IRAK2: variants seen among roughly 807,000 people sequenced by gnomAD.
IRAK2 encodes interleukin-1 receptor-associated kinase-like 2.
In IRAK2, 57 loss-of-function variants were observed where a neutral mutation model predicts 72.0. The observed-to-expected ratio is 0.79, with a 90% CI of 0.64 to 0.99. The LOEUF is 0.99. Among genes scored for constraint, IRAK2 ranks in the 50% least tolerant of loss-of-function variants. The probability of loss-of-function intolerance (pLI) is 0.00; values close to 1 mark genes in which losing one functional copy is unlikely to be tolerated. For synonymous variants in IRAK2, 293 were observed against 312.7 expected (o/e 0.94, Z 0.67); for missense variants, 790 against 794.4 (o/e 0.99, Z 0.07).
At chr3:10,235,194 A>C (rs1282124634) in intron 11 of IRAK2, among the ~76,000 whole-genome samples, 1 of 152,190 alleles carries the variant, frequency 6.6e-6, no homozygotes, top group East Asian at 1.9e-4. Context: ...CAGCCCATGC[A>C]CTAGGCGGAC....
At chr3:10,169,900 A>G (rs1047613226) in intron 1 of IRAK2, among the ~76,000 whole-genome samples, 4 of 152,362 alleles carry the variant, frequency 2.6e-5, no homozygotes, top group Middle Eastern at 3.4e-3. Context: ...AGACAGACGT[A>G]AGAAATTATA....
Position 10,233,263 on chromosome 3 carries a change from G to A in IRAK2, c.1273-1196G>A, listed in dbSNP as rs1399556282. Among the ~76,000 whole-genome samples the A allele has an allele frequency of 2.0e-5, 3 of 152,204 alleles. No homozygotes were observed. The East Asian group carries it at 5.8e-4, about 29-fold the overall frequency. On this transcript the variant is annotated intron_variant, in intron 10 of 12. Coordinates refer to ENST00000256458, the MANE Select transcript of IRAK2 (RefSeq NM_001570.4). ...GACGAGGTTTCACCGTGTCAGCCAG[G>A]CTGGTCTCGAACTCCTGACCTCGAG... is the stretch of plus-strand genomic sequence containing the variant.
intron 2 of IRAK2, among the ~76,000 whole-genome samples, chr3:10,198,745 C>A (rs746826440): frequency 6.6e-6 from 1 of 152,040 alleles, no homozygotes; most frequent in African/African-American, 2.4e-5. Flanking sequence ...TTTAGAGAGG[C>A]ACAGTTGACC....
chr3:10,181,403 A>G (rs1696958035), intron 2 of IRAK2, among the ~76,000 whole-genome samples: 1 of 152,152 alleles, frequency 6.6e-6, no homozygotes, highest in South Asian at 2.1e-4. Flanking sequence ...TGAGGTCAGG[A>G]GTTTGAAACC....
intron 10 of IRAK2, 140 bp downstream of exon 10, chr3:10,226,573 C>A: frequency 1.6e-6 from 1 of 628,746 alleles, no homozygotes; most frequent in East Asian, 2.9e-5. Flanking sequence ...CCCCACAAAG[C>A]AGCTTTAACC....
chr3:10,166,177 T>C (rs1409833817), intron 1 of IRAK2, among the ~76,000 whole-genome samples: 1 of 152,250 alleles, frequency 6.6e-6, no homozygotes, highest in Non-Finnish European at 1.5e-5. Flanking sequence ...TATTTACTTT[T>C]AGTGTACATT....
rs149973534 is a variant in IRAK2, at chr3:10,238,798, G to A, written c.1524G>A (p.Thr508=). 3.1e-6 allele frequency: 5 copies of A among 1,614,098 alleles called. No homozygotes were observed. Among genetic ancestry groups the A allele is most frequent in the South Asian group, 2.2e-5 (2 of 91,088 alleles). The change falls in exon 12 of 13, where the codon ACG becomes ACA. Residue 508 remains threonine (T), a synonymous_variant. Coordinates refer to ENST00000256458, the MANE Select transcript of IRAK2 (RefSeq NM_001570.4). ...AVEERLRGRE[T]LLPWSGLSEG... ...AAGAGCGGCTCCGAGGTCGGGAGAC[G>A]TTGCTCCCTTGGAGTGGGCTTTCTG...
chr3:10,183,652 C>T (rs1462108308), intron 2 of IRAK2, among the ~76,000 whole-genome samples: 6 of 152,236 alleles, frequency 3.9e-5, no homozygotes, highest in Admixed American at 3.3e-4. Context: ...ACCCGGGAGG[C>T]GGAGCTTGCA....
intron 2 of IRAK2, among the ~76,000 whole-genome samples, chr3:10,185,023 G>A (rs998186953): frequency 6.6e-6 from 1 of 150,850 alleles, no homozygotes; most frequent in Non-Finnish European, 1.5e-5. Flanking sequence ...GAGCCCCTGC[G>A]CCGGGCCAAA....
intron 1 of IRAK2, among the ~76,000 whole-genome samples, chr3:10,170,023 A>G (rs1238359367): frequency 6.6e-6 from 1 of 152,116 alleles, no homozygotes; most frequent in Non-Finnish European, 1.5e-5. Context: ...ACAACACTAC[A>G]AAGTTGGTGG....
intron 2 of IRAK2, 141 bp downstream of exon 2, chr3:10,178,161 A>G (rs1393445978): frequency 8.3e-6 from 6 of 724,456 alleles, no homozygotes; most frequent in Non-Finnish European, 1.1e-5. Flanking sequence ...CCATGCACAT[A>G]AGAAACTGGT....
intron 2 of IRAK2, among the ~76,000 whole-genome samples, chr3:10,181,239 C>T (rs947206088): frequency 2.6e-5 from 4 of 152,152 alleles, no homozygotes; most frequent in Non-Finnish European, 5.9e-5. Context: ...TGCTCCTGAG[C>T]CGCTGCCGTT....
intron 10 of IRAK2, among the ~76,000 whole-genome samples, chr3:10,227,017 T>C (rs932408386): frequency 7.2e-5 from 11 of 151,872 alleles, no homozygotes; most frequent in African/African-American, 2.7e-4. Context: ...AGCACTTCTC[T>C]ATATATCAGG....
chr3:10,217,974 A>T (rs1318316719), intron 7 of IRAK2, among the ~76,000 whole-genome samples: 1 of 152,254 alleles, frequency 6.6e-6, no homozygotes, highest in Non-Finnish European at 1.5e-5. Context: ...ACATAGAGAC[A>T]AAGTGACTTG....
intron 2 of IRAK2, among the ~76,000 whole-genome samples, chr3:10,183,499 C>T (rs543286809): frequency 9.2e-5 from 14 of 152,302 alleles, no homozygotes; most frequent in Non-Finnish European, 1.3e-4. Context: ...GGGCAGATCA[C>T]AAGGTCAGGA....
At chr3:10,203,006 T>G (rs1434044223) in intron 3 of IRAK2, among the ~76,000 whole-genome samples, 1 of 150,834 alleles carries the variant, frequency 6.6e-6, no homozygotes, top group African/African-American at 2.4e-5. Context: ...ACTTACTTTC[T>G]TTTTTTGGCA....
At chr3:10,197,964 C>G (rs1253934659) in intron 2 of IRAK2, among the ~76,000 whole-genome samples, 1 of 151,446 alleles carries the variant, frequency 6.6e-6, no homozygotes, top group Admixed American at 6.6e-5. Flanking sequence ...CTTTGGGAGG[C>G]TGAGGAGGGC....
chr3:10,195,662 A>G (rs762165520), intron 2 of IRAK2, among the ~76,000 whole-genome samples: 21 of 152,090 alleles, frequency 1.4e-4, no homozygotes, highest in Non-Finnish European at 2.8e-4. Flanking sequence ...GCCTCCGACA[A>G]GGAGAAGGTG....
At position 10,213,202 on chromosome 3, in the gene IRAK2, T is replaced by A; in HGVS notation, c.529-5T>A. On this transcript the variant is annotated splice_polypyrimidine_tract_variant and splice_region_variant and intron_variant, in intron 4 of 12. Transcript: ENST00000256458. Reference sequence around the variant, plus strand: ...AATCTCCATCTCTTCTCTCTGGGTCTCCAGGACTTCAGCACCTCCATTCCT... The same window carrying A: ...AATCTCCATCTCTTCTCTCTGGGTCACCAGGACTTCAGCACCTCCATTCCT... The A allele has an allele frequency of 6.2e-7, 1 of 1,613,476 alleles. No individual in the cohort carries two copies. Among genetic ancestry groups the A allele is most frequent in the Non-Finnish European group, 8.5e-7 (1 of 1,179,498 alleles).
Sources: allele counts gnomAD v4.1 joint callset (sites outside exome capture counted in the v4.1 genomes callset), GRCh38; gene constraint gnomAD v4.1.1; transcripts MANE v1.5; gene names NCBI Gene and HGNC (gene_info 2026-07-23, HGNC 2026-07-21).